MT4: variants seen among roughly 807,000 people sequenced by gnomAD.
MT4 encodes metallothionein-4.
In MT4, 11 loss-of-function variants were observed where a neutral mutation model predicts 9.5. The observed-to-expected ratio is 1.16, with a 90% CI of 0.73 to 1.92. The LOEUF (loss-of-function observed/expected upper bound fraction) is 1.92, where lower values mean the gene tolerates loss of function less well. Ranked by LOEUF, MT4 falls within the 30% of genes most tolerant of loss-of-function variation. The probability of loss-of-function intolerance (pLI) is 0.00; values close to 1 mark genes in which losing one functional copy is unlikely to be tolerated. For synonymous variants in MT4, 29 were observed against 24.6 expected, an observed-to-expected ratio of 1.18 and a Z score of -0.53; for missense variants, 88 against 78.7, an observed-to-expected ratio of 1.12 and a Z score of -0.45.
chr16:56,568,213 G>GAA (rs759423205), intron 2 of MT4, among the ~76,000 whole-genome samples: 1,976 of 44,016 alleles, frequency 0.045, 73 homozygotes, highest in South Asian at 0.13. Flanking sequence ...GAGAGAGAGA[G>GAA]AGAAAGAAAG....
intron 1 of MT4, among the ~76,000 whole-genome samples, chr16:56,566,665 CAG>C (rs1227680668): frequency 7.7e-6 from 1 of 129,804 alleles, no homozygotes; most frequent in Non-Finnish European, 1.6e-5. Context: ...GAGAGAAAGA[CAG>C]GGAGAAAGAG....
At chr16:56,566,588 G>T (rs113386155) in intron 1 of MT4, among the ~76,000 whole-genome samples, 8 of 145,672 alleles carry the variant, frequency 5.5e-5, no homozygotes, top group African/African-American at 2.0e-4. Flanking sequence ...GAGAAAGGAA[G>T]AGAGAGAGAG....
At chr16:56,566,524 CGGAAGGAA>C (rs1215974885) in intron 1 of MT4, among the ~76,000 whole-genome samples, 3 of 79,664 alleles carry the variant, frequency 3.8e-5, no homozygotes, top group Non-Finnish European at 8.5e-5. Context: ...GAAGAAAGAA[CGGAAGGAA>C]AGAAGGAAAG....
At chr16:56,566,819 A>AAGGAAGGAAGGAAGGAAGG (rs1567330038) in intron 1 of MT4, among the ~76,000 whole-genome samples, 4 of 52,532 alleles carry the variant, frequency 7.6e-5, no homozygotes, top group East Asian at 1.1e-3. Context: ...AGAAAGAAAG[A>AAGGAAGGAAGGAAGGAAGG]AAAGAAAGAA....
At chr16:56,565,200 C>G (rs749262325) in intron 1 of MT4, 41 bp downstream of exon 1, 2 of 1,599,634 alleles carry the variant, frequency 1.3e-6, no homozygotes, top group East Asian at 4.6e-5. Flanking sequence ...GAACCTTGGA[C>G]CAGCTTCCTA....
intron 2 of MT4, among the ~76,000 whole-genome samples, chr16:56,568,231 GAAAGAAAGAAAGAAAGAA>G (rs1261242941): frequency 0.02 from 667 of 34,062 alleles, 11 homozygotes; most frequent in Admixed American, 0.029. Flanking sequence ...AAGAAAGAAA[GAAAGAAAGAAAGAAAGAA>G]AGAAAGAAAG....
Position 56,566,828 on chromosome 16 carries a change from AAAGAAAG to A in MT4, c.32-920_32-914del, listed in dbSNP as rs879807011. Among the ~76,000 whole-genome samples, 1,011 of 123,506 alleles carry A rather than the reference AAAGAAAG, an allele frequency of 8.2e-3. 12 individuals carry two copies. The highest frequency in any genetic ancestry group is 0.016 in the South Asian group (60 of 3,678). The allele number at this position is 123,506 out of a possible 152,430, so 81.0% of individuals were successfully genotyped here. On this transcript the variant is annotated intron_variant, in intron 1 of 2. Transcript: ENST00000219162. ...AAAGAAAGAAAGAAAGAAAAGAAAG[AAAGAAAG>A]AAAGAAAGAAAGAAAGAAAGAAATG... is the stretch of plus-strand genomic sequence containing the variant.
chr16:56,567,092 C>T (rs1270407166), intron 1 of MT4, among the ~76,000 whole-genome samples: 1 of 151,710 alleles, frequency 6.6e-6, no homozygotes, highest in African/African-American at 2.4e-5. Context: ...GGTGTGATCT[C>T]GGCTCACTGC....
intron 1 of MT4, 32 bp from the exon 2 acceptor site, chr16:56,567,719 C>T (rs1959553421): frequency 3.7e-6 from 6 of 1,605,452 alleles, no homozygotes; most frequent in Admixed American, 3.3e-5. Context: ...TCTCCATCCT[C>T]ACGTTTGTGG....
intron 1 of MT4, among the ~76,000 whole-genome samples, chr16:56,567,049 A>T (rs1207055565): frequency 6.6e-6 from 1 of 152,002 alleles, no homozygotes; most frequent in Non-Finnish European, 1.5e-5. Flanking sequence ...TTTAAGGCAG[A>T]GTCTCACTCC....
At chr16:56,567,654 C>A (rs535739034) in intron 1 of MT4, 97 bp from the exon 2 acceptor site, 5 of 1,143,412 alleles carry the variant, frequency 4.4e-6, no homozygotes, top group Admixed American at 1.7e-5. Flanking sequence ...AAGGATATAG[C>A]CCAGGAGCCT....
At chr16:56,567,690 C>A in intron 1 of MT4, 61 bp from the exon 2 acceptor site, 1 of 1,495,348 alleles carries the variant, frequency 6.7e-7, no homozygotes, top group South Asian at 1.1e-5. Flanking sequence ...CGGCATCATG[C>A]CTTATGTTCC....
Position 56,567,385 on chromosome 16 carries a change from C to T in MT4, c.32-366C>T, listed in dbSNP as rs527633929. Among the ~76,000 whole-genome samples the T allele has an allele frequency of 4.2e-4, 64 of 152,258 alleles. 1 individual carries two copies. The highest frequency in any genetic ancestry group is 7.8e-4 in the Non-Finnish European group (53 of 68,018). On this transcript the variant is annotated intron_variant, in intron 1 of 2. Transcript: ENST00000219162. ...ACCTTGGGCTTGGAAACGCTGGCCTCGTCTGTTGGTTCTCATTGTACATAA... is the reference window on the plus strand; with the variant it reads ...ACCTTGGGCTTGGAAACGCTGGCCTTGTCTGTTGGTTCTCATTGTACATAA...
At chr16:56,565,288 C>A in intron 1 of MT4, 129 bp downstream of exon 1, 1 of 981,052 alleles carries the variant, frequency 1.0e-6, no homozygotes, top group East Asian at 3.0e-5. Flanking sequence ...TCCTGGGAGC[C>A]GACAGGTGGA....
intron 2 of MT4, 22 bp from the exon 3 acceptor site, chr16:56,568,819 G>T: frequency 6.4e-7 from 1 of 1,554,324 alleles, no homozygotes; most frequent in East Asian, 2.3e-5. Context: ...CAGCGGATCT[G>T]CGCATCTCCT....
intron 1 of MT4, 100 bp downstream of exon 1, chr16:56,565,259 G>A (rs1385262750): frequency 8.0e-6 from 11 of 1,369,500 alleles, no homozygotes; most frequent in South Asian, 2.7e-5. Context: ...CTCTAATTAG[G>A]AGCCACCAAT....
chr16:56,565,105 T>C lies in MT4; in HGVS notation c.-24T>C, dbSNP rs553912541. On this transcript the variant is annotated 5_prime_UTR_variant, in exon 1 of 3. Transcript: ENST00000219162. ...CTCCCTTCCCCAGCCGTGACAGCACTGGAGCCTTTCGGACACCTGGACCAT... is the reference window on the plus strand; with the variant it reads ...CTCCCTTCCCCAGCCGTGACAGCACCGGAGCCTTTCGGACACCTGGACCAT... The C allele has an allele frequency of 3.6e-5, 58 of 1,613,042 alleles. No individual in the cohort carries two copies. The Middle Eastern group carries it at 8.3e-4, about 23-fold the overall frequency.
chr16:56,568,213 G>GAGAAAGAA (rs796608259), intron 2 of MT4, among the ~76,000 whole-genome samples: 1 of 44,248 alleles, frequency 2.3e-5, no homozygotes, highest in African/African-American at 8.2e-5. Flanking sequence ...GAGAGAGAGA[G>GAGAAAGAA]AGAAAGAAAG....
chr16:56,566,723 AAAGAAAGAAAGAAAG>A (rs1337754336), intron 1 of MT4, among the ~76,000 whole-genome samples: 2 of 20,508 alleles, frequency 9.8e-5, no homozygotes, highest in African/African-American at 2.3e-4. Context: ...AGAAAGAAAG[AAAGAAAGAAAGAAAG>A]AAAGAAAGAA....
Sources: gnomAD v4.1 joint callset for allele counts (sites outside exome capture counted in the v4.1 genomes callset) on GRCh38, gnomAD v4.1.1 for gene constraint, MANE v1.5 for transcripts, NCBI Gene and HGNC (gene_info 2026-07-23, HGNC 2026-07-21) for gene names.